Variants in ALPL observed in about 807,000 individuals in gnomAD.
ALPL encodes the protein alkaline phosphatase, tissue-nonspecific isozyme.
ALPL carries 42 observed loss-of-function variants against 51.3 expected under a neutral mutation model. The ratio of observed to expected loss-of-function variants is 0.82; its 90% CI spans 0.64 to 1.06. ALPL has a LOEUF of 1.06. ALPL is among the 50% of genes least tolerant of loss of function. The pLI is 0.00. For missense variants in ALPL, 589 were observed against 709.4 expected, an observed-to-expected ratio of 0.83 and a Z score of 1.93; for synonymous variants, 279 against 296.4, an observed-to-expected ratio of 0.94 and a Z score of 0.60.
At chr1:21,557,429 C>T (rs542496831) in intron 2 of ALPL, among the ~76,000 whole-genome samples, 2 of 152,224 alleles carry the variant, frequency 1.3e-5, no homozygotes, top group East Asian at 1.9e-4. Context: ...TCTGAGACCT[C>T]GTGGTGCCAT....
chr1:21,512,445 A>G (rs887063785), intron 1 of ALPL, among the ~76,000 whole-genome samples: 9 of 152,332 alleles, frequency 5.9e-5, no homozygotes, highest in African/African-American at 1.7e-4. Flanking sequence ...TAAGACATTC[A>G]TATTTCCTGT....
rs121918011 is a variant in ALPL, at chr1:21,563,219, G to A, written c.407G>A (p.Arg136His). The A allele has an allele frequency of 1.1e-4, 172 of 1,613,786 alleles. No individual in the cohort carries two copies. The highest frequency in any genetic ancestry group is 1.6e-4 in the Middle Eastern group (1 of 6,082). Residue 136 changes from arginine to histidine, a missense_variant, in exon 5 of 12, where the codon CGT becomes CAT. Physicochemically the swap from Arg to His is conservative, Grantham distance 29. Transcript: ENST00000374840. ...GTVGVSAATE[R>H]SRCNTTQGNE... Reference sequence around the variant, plus strand: ...GTGGGGGTAAGCGCAGCCACTGAGCGTTCCCGGTGCAACACCACCCAGGGG... The same window carrying A: ...GTGGGGGTAAGCGCAGCCACTGAGCATTCCCGGTGCAACACCACCCAGGGG...
At chr1:21,530,137 C>T (rs973994753) in intron 1 of ALPL, among the ~76,000 whole-genome samples, 4 of 152,000 alleles carry the variant, frequency 2.6e-5, no homozygotes, top group Admixed American at 6.6e-5. Flanking sequence ...GGGTGGGATT[C>T]GGGGAGCCAT....
chr1:21,533,077 C>T (rs373724943), intron 1 of ALPL, among the ~76,000 whole-genome samples: 3 of 152,130 alleles, frequency 2.0e-5, no homozygotes, highest in Non-Finnish European at 4.4e-5. Flanking sequence ...CAGCACTTAA[C>T]GCTATGTATC....
intron 9 of ALPL, chr1:21,574,070 T>C (rs1644691769): frequency 7.1e-6 from 7 of 985,440 alleles, no homozygotes; most frequent in Non-Finnish European, 7.2e-6. Context: ...TTGGTAGTCT[T>C]TCTTGGGGAC....
At chr1:21,537,782 C>T (rs1644129408) in intron 1 of ALPL, among the ~76,000 whole-genome samples, 1 of 152,198 alleles carries the variant, frequency 6.6e-6, no homozygotes, top group Non-Finnish European at 1.5e-5. Context: ...GCTTTGTGAC[C>T]CTGAACCTCC....
At chr1:21,552,743 T>C (rs1320774078) in intron 1 of ALPL, among the ~76,000 whole-genome samples, 1 of 152,118 alleles carries the variant, frequency 6.6e-6, no homozygotes, top group Admixed American at 6.5e-5. Context: ...TTTTAAAAAA[T>C]GTTTTATTTT....
At chr1:21,566,606 T>G (rs977326017) in intron 6 of ALPL, among the ~76,000 whole-genome samples, 6 of 151,340 alleles carry the variant, frequency 4.0e-5, no homozygotes, top group African/African-American at 1.5e-4. Context: ...TATTTTATTT[T>G]TGAGACAGGG....
chr1:21,574,849 C>A (rs1235930984), intron 9 of ALPL: 1 of 152,356 alleles, frequency 6.6e-6, no homozygotes, highest in Non-Finnish European at 1.5e-5. Flanking sequence ...ACACGCCCTG[C>A]CAGCCTGCCG....
At chr1:21,518,800 G>A (rs1643848412) in intron 1 of ALPL, among the ~76,000 whole-genome samples, 2 of 152,058 alleles carry the variant, frequency 1.3e-5, no homozygotes, top group Admixed American at 6.6e-5. Context: ...AAAACTAGCT[G>A]CCTGACTGCT....
intron 6 of ALPL, among the ~76,000 whole-genome samples, chr1:21,567,790 A>C (rs1644587341): frequency 6.6e-6 from 1 of 152,232 alleles, no homozygotes. Context: ...TGCCTGACAC[A>C]CAGGGAACGC....
At chr1:21,576,670 G>A (rs762086578) in intron 11 of ALPL, 29 bp downstream of exon 11, 1 of 1,612,982 alleles carries the variant, frequency 6.2e-7, no homozygotes, top group South Asian at 1.1e-5. Context: ...AGGGCTGGGA[G>A]GGGACAGGGC....
chr1:21,511,941 C>T (rs1643696014), intron 1 of ALPL, among the ~76,000 whole-genome samples: 1 of 152,224 alleles, frequency 6.6e-6, no homozygotes, highest in Admixed American at 6.5e-5. Context: ...CTAGCAATCT[C>T]CATGCTGTAC....
intron 1 of ALPL, among the ~76,000 whole-genome samples, chr1:21,516,934 G>T (rs2148058607): frequency 6.6e-6 from 1 of 152,230 alleles, no homozygotes; most frequent in Non-Finnish European, 1.5e-5. Context: ...AGTAGAAAAT[G>T]GTTATAACAC....
chr1:21,520,999 T>C (rs1643877793), intron 1 of ALPL, among the ~76,000 whole-genome samples: 1 of 152,184 alleles, frequency 6.6e-6, no homozygotes, highest in Admixed American at 6.5e-5. Flanking sequence ...AACCTCTCCC[T>C]GTTTGTGTTG....
At chr1:21,569,621 A>G (rs1045152317) in intron 7 of ALPL, among the ~76,000 whole-genome samples, 1 of 152,170 alleles carries the variant, frequency 6.6e-6, no homozygotes, top group South Asian at 2.1e-4. Flanking sequence ...CCTCCTCCCC[A>G]CAACAGCCCC....
chr1:21,555,519 T>A (rs908580179), intron 2 of ALPL, among the ~76,000 whole-genome samples: 2 of 151,980 alleles, frequency 1.3e-5, no homozygotes, highest in Admixed American at 1.3e-4. Context: ...CAGGTTCAAG[T>A]GATCCTCCTG....
At chr1:21,571,069 C>G (rs1180503003) in intron 8 of ALPL, among the ~76,000 whole-genome samples, 1 of 152,174 alleles carries the variant, frequency 6.6e-6, no homozygotes, top group Non-Finnish European at 1.5e-5. Context: ...TTGCCTGGGT[C>G]ACATGGCACA....
At chr1:21,548,573 A>G (rs1253555729) in intron 1 of ALPL, among the ~76,000 whole-genome samples, 2 of 152,126 alleles carry the variant, frequency 1.3e-5, no homozygotes, top group African/African-American at 4.8e-5. Context: ...AAGAATAATC[A>G]TGTGGGGCTG....
Sources: gnomAD v4.1 joint callset for allele counts (sites outside exome capture counted in the v4.1 genomes callset) on GRCh38, gnomAD v4.1.1 for gene constraint, MANE v1.5 for transcripts, NCBI Gene and HGNC (gene_info 2026-07-23, HGNC 2026-07-21) for gene names.